Variants in TMEM135 observed in about 807,000 individuals in gnomAD.
TMEM135 encodes the protein transmembrane protein 135.
Under a neutral mutation model 60.3 loss-of-function variants are expected in TMEM135, and 30 were observed. The observed-to-expected ratio is 0.50, with a 90% CI of 0.37 to 0.68. TMEM135 has a LOEUF of 0.68. TMEM135 is among the 30% of genes least tolerant of loss of function. TMEM135 has a pLI of 0.00. For missense variants in TMEM135, 468 were observed against 548.8 expected (o/e 0.85, Z 1.47); for synonymous variants, 190 against 186.7 (o/e 1.02, Z -0.14).
intron 4 of TMEM135, among the ~76,000 whole-genome samples, chr11:87,144,327 G>A (rs1020400469): frequency 6.6e-6 from 1 of 151,986 alleles, no homozygotes; most frequent in Non-Finnish European, 1.5e-5. Flanking sequence ...TTTTTCTAAA[G>A]GGCCAGTAAG....
intron 6 of TMEM135, among the ~76,000 whole-genome samples, chr11:87,245,703 G>T (rs1941253207): frequency 7.8e-6 from 1 of 127,698 alleles, no homozygotes. Flanking sequence ...CCATTTGCTT[G>T]GTAGATCTTC....
chr11:87,254,634 G>A (rs570421184), intron 6 of TMEM135, among the ~76,000 whole-genome samples: 13 of 152,258 alleles, frequency 8.5e-5, no homozygotes, highest in African/African-American at 3.1e-4. Flanking sequence ...CAGTGCCAAT[G>A]CTACTATAGA....
intron 6 of TMEM135, among the ~76,000 whole-genome samples, chr11:87,276,823 C>T (rs1418230636): frequency 6.6e-6 from 1 of 151,712 alleles, no homozygotes; most frequent in Non-Finnish European, 1.5e-5. Flanking sequence ...CATGCGAGGC[C>T]ACCATGCCTG....
intron 6 of TMEM135, among the ~76,000 whole-genome samples, chr11:87,265,453 A>C (rs1941728836): frequency 6.6e-6 from 1 of 151,932 alleles, no homozygotes; most frequent in Admixed American, 6.6e-5. Context: ...ATATAAATTG[A>C]GTCTATTACT....
At position 87,157,355 on chromosome 11, in the gene TMEM135, A is replaced by G. The variant is rs1207346573; in HGVS notation, c.411A>G (p.Leu137=). ...TTAATTTACAGGCCACAGAAACACT[A>G]TTCAGAATGGGTGTAGCAAGAGGAA... ...IYMANLATET[L]FRMGVARGTI... The change falls in exon 5 of 15, where the codon CTA becomes CTG. Residue 137 remains leucine, a synonymous_variant. Coordinates refer to ENST00000305494, the MANE Select transcript of TMEM135 (RefSeq NM_022918.4). 6.2e-7 allele frequency: 1 copy of G among 1,613,152 alleles called. No individual in the cohort carries two copies.
At chr11:87,223,567 A>C (rs1236007499) in intron 5 of TMEM135, among the ~76,000 whole-genome samples, 2 of 152,052 alleles carry the variant, frequency 1.3e-5, no homozygotes, top group African/African-American at 4.8e-5. Flanking sequence ...AAAAAACCCC[A>C]AAAAGTCTGG....
At chr11:87,271,992 C>G (rs1240873736) in intron 6 of TMEM135, among the ~76,000 whole-genome samples, 1 of 150,528 alleles carries the variant, frequency 6.6e-6, no homozygotes, top group South Asian at 2.1e-4. Flanking sequence ...AAAAATATGG[C>G]TACTAGAAAA....
intron 6 of TMEM135, among the ~76,000 whole-genome samples, chr11:87,283,410 G>C (rs1248747196): frequency 6.6e-6 from 1 of 151,944 alleles, no homozygotes. Flanking sequence ...TCCATTACTA[G>C]GAGATGCATA....
chr11:87,315,554 T>C (rs1463373149), intron 12 of TMEM135, among the ~76,000 whole-genome samples: 1 of 151,986 alleles, frequency 6.6e-6, no homozygotes, highest in African/African-American at 2.4e-5. Flanking sequence ...TTTTCGCAGC[T>C]GTTAATAATT....
rs374850838 is a variant in TMEM135, at chr11:87,051,279, C to T, written c.141+13093C>T. Reference sequence around the variant, plus strand: ...ACAAGACAGGGATGTCCTCTCTCACCGCTCCTATTCAACATAGTGTTGGAA... The same window carrying T: ...ACAAGACAGGGATGTCCTCTCTCACTGCTCCTATTCAACATAGTGTTGGAA... On this transcript the variant is annotated intron_variant, in intron 1 of 14. Coordinates refer to ENST00000305494, the MANE Select transcript of TMEM135 (RefSeq NM_022918.4). 2.1e-4 allele frequency among the ~76,000 whole-genome samples: 11 copies of T among 52,008 alleles called. No individual in the cohort carries two copies. The East Asian group carries it at 6.3e-3, about 30-fold the overall frequency. 34.1% of individuals were successfully genotyped at this position (52,008 alleles called of 152,430 possible). A position where few individuals can be genotyped will look rare whatever the true frequency, so the allele number is the denominator to read the frequency against.
intron 6 of TMEM135, among the ~76,000 whole-genome samples, chr11:87,269,205 T>C (rs1235485285): frequency 6.6e-6 from 1 of 151,274 alleles, no homozygotes; most frequent in African/African-American, 2.4e-5. Flanking sequence ...TACTACACAT[T>C]GTCCCCGAGG....
intron 3 of TMEM135, among the ~76,000 whole-genome samples, chr11:87,086,134 T>A (rs1857090268): frequency 6.6e-6 from 1 of 152,234 alleles, no homozygotes; most frequent in Admixed American, 6.5e-5. Context: ...GGTGATTATA[T>A]GTCTATAATA....
intron 9 of TMEM135, among the ~76,000 whole-genome samples, chr11:87,308,129 G>A (rs892308955): frequency 2.0e-5 from 3 of 152,102 alleles, no homozygotes; most frequent in Non-Finnish European, 2.9e-5. Flanking sequence ...TTCCAGTAAT[G>A]AGCATGAAAG....
At chr11:87,280,450 A>G (rs1201558576) in intron 6 of TMEM135, among the ~76,000 whole-genome samples, 1 of 152,188 alleles carries the variant, frequency 6.6e-6, no homozygotes, top group Non-Finnish European at 1.5e-5. Context: ...TCTGTGTTAC[A>G]GTCATATTAA....
intron 12 of TMEM135, among the ~76,000 whole-genome samples, chr11:87,317,776 G>C (rs117954227): frequency 0.017 from 2,644 of 152,186 alleles, 29 homozygotes; most frequent in Admixed American, 0.028. Flanking sequence ...AGTGCCCGGC[G>C]TGTAGACACC....
chr11:87,047,069 C>A (rs1264893487), intron 1 of TMEM135, among the ~76,000 whole-genome samples: 1 of 152,206 alleles, frequency 6.6e-6, no homozygotes, highest in Non-Finnish European at 1.5e-5. Flanking sequence ...CAATGCAATA[C>A]AATGTGAAAT....
At chr11:87,293,236 C>G (rs561905097) in intron 6 of TMEM135, among the ~76,000 whole-genome samples, 4 of 152,302 alleles carry the variant, frequency 2.6e-5, no homozygotes, top group Non-Finnish European at 5.9e-5. Context: ...ATCCTTCCAT[C>G]TGAATTCTTT....
chr11:87,112,465 C>A (rs1373254013), intron 4 of TMEM135, among the ~76,000 whole-genome samples: 1 of 151,994 alleles, frequency 6.6e-6, no homozygotes, highest in African/African-American at 2.4e-5. Context: ...TTGTGATATC[C>A]ATGGCTATGG....
chr11:87,108,780 G>T (rs956064465), intron 4 of TMEM135, among the ~76,000 whole-genome samples: 1 of 152,034 alleles, frequency 6.6e-6, no homozygotes, highest in East Asian at 1.9e-4. Flanking sequence ...TCTGATTTCT[G>T]TGTAAAGACT....
Sources: gnomAD v4.1 joint callset for allele counts (sites outside exome capture counted in the v4.1 genomes callset) on GRCh38, gnomAD v4.1.1 for gene constraint, MANE v1.5 for transcripts, NCBI Gene and HGNC (gene_info 2026-07-23, HGNC 2026-07-21) for gene names.